OR6J1: variants seen among roughly 807,000 people sequenced by gnomAD.
OR6J1 encodes the protein olfactory receptor 6J1.
For synonymous variants in OR6J1, 109 were observed against 70.0 expected (o/e 1.56, Z -2.78); for missense variants, 304 against 166.8 (o/e 1.82, Z -4.53).
chr14:22,632,793 G>T lies in OR6J1; in HGVS notation c.*975C>A, dbSNP rs2037555365. The T allele has an allele frequency of 6.6e-6, 1 of 152,260 alleles. No homozygotes were observed. The highest frequency in any genetic ancestry group is 2.4e-5 in the African/African-American group (1 of 41,458). 9.4% of individuals were successfully genotyped at this position (152,260 alleles called of 1,614,324 possible). A position where few individuals can be genotyped will look rare whatever the true frequency, so the allele number is the denominator to read the frequency against. On this transcript the variant is annotated 3_prime_UTR_variant, in exon 2 of 2. Transcript: ENST00000540461. Reference sequence around the variant, plus strand: ...ATTCTACCAGCTCCAGCCCTAGGAAGTCATGAGAGAAGAGGGCTCTTTGTG... The same window carrying T: ...ATTCTACCAGCTCCAGCCCTAGGAATTCATGAGAGAAGAGGGCTCTTTGTG...
Position 22,634,543 on chromosome 14 carries a change from G to A in OR6J1, c.269C>T (p.Thr90Ile), listed in dbSNP as rs1048991915. 1.1e-5 allele frequency: 8 copies of A among 705,008 alleles called. No individual in the cohort carries two copies. The highest frequency in any genetic ancestry group is 2.1e-5 in the Non-Finnish European group (8 of 385,428). 43.7% of individuals were successfully genotyped at this position (705,008 alleles called of 1,614,324 possible). The change falls in exon 2 of 2, where the codon ACC (threonine) becomes ATC (isoleucine). Residue 90 changes from threonine to isoleucine, a missense_variant. By Grantham distance (89) the Thr-to-Ile change is moderately conservative. Coordinates refer to ENST00000540461, the MANE Select transcript of OR6J1 (RefSeq NM_001348233.2). ...VLANLGSRDK[T>I]ISFAGCITQC... ...GGTGATACATCCGGCAAAGGAGATG[G>A]TTTTATCCCTAGATCCTAAGTTGGC...
chr14:22,643,764 C>CACACAGAGAGAGAGAGAG lies in OR6J1; in HGVS notation c.-28+333_-28+334insCTCTCTCTCTCTCTGTGT, dbSNP rs1466950724. ...ACACACACACACACACACACACACA[C>CACACAGAGAGAGAGAGAG]AGAGAGAGAGAGAGAGAGAGAGAGA... On this transcript the variant is annotated intron_variant, in intron 1 of 1. Coordinates refer to ENST00000540461, the MANE Select transcript of OR6J1 (RefSeq NM_001348233.2). Among the ~76,000 whole-genome samples, 75 of 37,688 alleles carry CACACAGAGAGAGAGAGAG rather than the reference C, an allele frequency of 2.0e-3. 2 individuals are homozygous for CACACAGAGAGAGAGAGAG. Among genetic ancestry groups the CACACAGAGAGAGAGAGAG allele is most frequent in the Non-Finnish European group, 3.1e-3 (61 of 19,698 alleles). The allele number at this position is 37,688 out of a possible 152,430, so 24.7% of individuals were successfully genotyped here.
In OR6J1 at chr14:22,631,422, G is replaced by T. The variant is rs558589031; in HGVS notation, c.*2346C>A. ...CAGGGATGTTCCTTGCTGAGAAAAA[G>T]AATTCAGTGATATTCCTCCCATTTG... On this transcript the variant is annotated 3_prime_UTR_variant, in exon 2 of 2. Coordinates refer to ENST00000540461, the MANE Select transcript of OR6J1 (RefSeq NM_001348233.2). 3 of 152,292 alleles carry T rather than the reference G, an allele frequency of 2.0e-5. No individual in the cohort carries two copies. In the South Asian group the frequency reaches 6.2e-4, roughly 32 times the overall value. The allele number at this position is 152,292 out of a possible 1,614,324, so 9.4% of individuals were successfully genotyped here. A position where few individuals can be genotyped will look rare whatever the true frequency, so the allele number is the denominator to read the frequency against.
chr14:22,635,587 T>C (rs1396440681), intron 1 of OR6J1, among the ~76,000 whole-genome samples: 2 of 152,044 alleles, frequency 1.3e-5, no homozygotes, highest in African/African-American at 4.8e-5. Context: ...TTGAGACTTA[T>C]AAAATTGGAA....
At chr14:22,635,278 C>T (rs1479853347) in intron 1 of OR6J1, among the ~76,000 whole-genome samples, 1 of 152,082 alleles carries the variant, frequency 6.6e-6, no homozygotes, top group Non-Finnish European at 1.5e-5. Context: ...ATGAAATAAA[C>T]AAATTATGGT....
intron 1 of OR6J1, among the ~76,000 whole-genome samples, chr14:22,642,954 C>T (rs182116704): frequency 6.6e-6 from 1 of 151,762 alleles, no homozygotes; most frequent in Admixed American, 6.6e-5. Context: ...AGGTGCACAC[C>T]ATCACACCTG....
At chr14:22,637,021 C>T (rs1282844617) in intron 1 of OR6J1, among the ~76,000 whole-genome samples, 12 of 125,628 alleles carry the variant, frequency 9.6e-5, no homozygotes, top group Non-Finnish European at 1.6e-4. Flanking sequence ...GCGTCTCTGC[C>T]CGGCCGCCCA....
At chr14:22,639,922 AC>A (rs556699425) in intron 1 of OR6J1, among the ~76,000 whole-genome samples, 1 of 91,244 alleles carries the variant, frequency 1.1e-5, no homozygotes, top group South Asian at 3.0e-4. Context: ...CCTTCCCTCC[AC>A]TATTGTCCCA....
chr14:22,634,220 C>T lies in OR6J1; in HGVS notation c.592G>A (p.Asp198Asn), dbSNP rs1448902187. The T allele has an allele frequency of 4.3e-6, 3 of 703,322 alleles. No individual in the cohort carries two copies. The highest frequency in any genetic ancestry group is 2.7e-5 in the East Asian group (1 of 37,306). The allele number at this position is 703,322 out of a possible 1,614,324, so 43.6% of individuals were successfully genotyped here. The change falls in exon 2 of 2, where the codon GAT (aspartate) becomes AAT (asparagine). Residue 198 changes from aspartate (D) to asparagine (N), a missense_variant. Asp to Asn is a conservative substitution (Grantham distance 23, BLOSUM62 1). Coordinates refer to ENST00000540461, the MANE Select transcript of OR6J1 (RefSeq NM_001348233.2). ...ATGACCATGGAAGAAAGCATAAAAT[C>T]CATCAGCTCGATGGCAGTGGTGTCT... is the stretch of plus-strand genomic sequence containing the variant. ...CADTTAIELM[D>N]FMLSSMVILC...
rs2037547783 is a variant in OR6J1, at chr14:22,631,719, G to C, written c.*2049C>G. On this transcript the variant is annotated 3_prime_UTR_variant, in exon 2 of 2. Transcript: ENST00000540461. ...AATCACAAGGGTATTCATTGGGGAA[G>C]TGATAAGTGTCCATGAAATCTTCAC... The C allele has an allele frequency of 6.5e-6, 1 of 152,934 alleles. No individual in the cohort carries two copies. The highest frequency in any genetic ancestry group is 1.5e-5 in the Non-Finnish European group (1 of 68,380). 9.5% of individuals were successfully genotyped at this position (152,934 alleles called of 1,614,324 possible).
Position 22,641,306 on chromosome 14 carries a change from G to A in OR6J1, c.-28+2792C>T, listed in dbSNP as rs1480536597. 8.0e-4 allele frequency among the ~76,000 whole-genome samples: 60 copies of A among 75,300 alleles called. 1 individual carries two copies. The highest frequency in any genetic ancestry group is 4.8e-3 in the East Asian group (9 of 1,868). 49.4% of individuals were successfully genotyped at this position (75,300 alleles called of 152,430 possible). On this transcript the variant is annotated intron_variant, in intron 1 of 1. Coordinates refer to ENST00000540461, the MANE Select transcript of OR6J1 (RefSeq NM_001348233.2). ...GAAAGAGAAGAAAGAGAGACAGAGAGGAAAGAGAGAGAGAGGAAGGAAGGA... is the reference window on the plus strand; with the variant it reads ...GAAAGAGAAGAAAGAGAGACAGAGAAGAAAGAGAGAGAGAGGAAGGAAGGA...
rs1412394181 is a variant in OR6J1 at position 22,631,020 on chromosome 14, AG to A, written c.*2747del. On this transcript the variant is annotated 3_prime_UTR_variant, in exon 2 of 2. Transcript: ENST00000540461. ...CCACAAAAACCAGCAAGTTTTTATT[AG>A]GGACTTTCAAAAGGGGAGGGAGTGT... 1 of 152,220 alleles carries A rather than the reference AG, an allele frequency of 6.6e-6. No individual in the cohort carries two copies. Among genetic ancestry groups the A allele is most frequent in the Non-Finnish European group, 1.5e-5 (1 of 68,040 alleles). 9.4% of individuals were successfully genotyped at this position (152,220 alleles called of 1,614,324 possible). A position where few individuals can be genotyped will look rare whatever the true frequency, so the allele number is the denominator to read the frequency against.
rs1169840412 is a variant in OR6J1 at position 22,641,242 on chromosome 14, A to G, written c.-28+2856T>C. Among the ~76,000 whole-genome samples the G allele has an allele frequency of 1.2e-4, 4 of 33,324 alleles. 1 individual carries two copies. The highest frequency in any genetic ancestry group is 2.7e-4 in the Non-Finnish European group (4 of 14,688). 21.9% of individuals were successfully genotyped at this position (33,324 alleles called of 152,430 possible). A position where few individuals can be genotyped will look rare whatever the true frequency, so the allele number is the denominator to read the frequency against. ...GAAAGAAAGAAAGAAAGAAAGAAAG[A>G]AAGAAAGAAAGAAAGAAAGAAAGAA... On this transcript the variant is annotated intron_variant, in intron 1 of 1. Transcript: ENST00000540461.
intron 1 of OR6J1, among the ~76,000 whole-genome samples, chr14:22,636,006 C>T (rs954106225): frequency 1.3e-5 from 2 of 151,986 alleles, no homozygotes; most frequent in Non-Finnish European, 2.9e-5. Flanking sequence ...AGGCAAATCA[C>T]AAACAGGAAG....
At chr14:22,643,955 G>T (rs2037672121) in intron 1 of OR6J1, 143 bp downstream of exon 1, 1 of 152,162 alleles carries the variant, frequency 6.6e-6, no homozygotes, top group African/African-American at 2.4e-5. Flanking sequence ...TGCATAAGGT[G>T]CAACTGCACC....
intron 1 of OR6J1, among the ~76,000 whole-genome samples, chr14:22,641,210 TAAGAAAGAAAGAAAGA>T (rs992658481): frequency 0.011 from 1,347 of 122,522 alleles, 61 homozygotes; most frequent in Middle Eastern, 0.012. Context: ...GAGAGAAAGA[TAAGAAAGAAAGAAAGA>T]AAGAAAGAAA....
Position 22,634,673 on chromosome 14 carries a change from T to C in OR6J1, c.139A>G (p.Thr47Ala). The C allele has an allele frequency of 1.4e-6, 1 of 738,800 alleles. No homozygotes were observed. Among genetic ancestry groups the C allele is most frequent in the Non-Finnish European group, 2.5e-6 (1 of 400,920 alleles). 45.8% of individuals were successfully genotyped at this position (738,800 alleles called of 1,614,324 possible). ...TGGAGGCGGGAGCAGGACAGCACAG[T>C]GGAGATGATGAGCAGGTTCCCCAGA... ...TLLGNLLIIS[T>A]VLSCSRLHTP... Residue 47 changes from threonine to alanine, a missense_variant, in exon 2 of 2, where the codon ACT becomes GCT. By Grantham distance (58) the Thr-to-Ala change is moderately conservative (BLOSUM62 0). Transcript: ENST00000540461.
rs2037551406 is a variant in OR6J1 at position 22,632,225 on chromosome 14, T to A, written c.*1543A>T. ...GGCCCAGAGTGGGTCCAAGTAAGCATCCCAGACAGTGTTTGGGCACCAAGA... is the reference window on the plus strand; with the variant it reads ...GGCCCAGAGTGGGTCCAAGTAAGCAACCCAGACAGTGTTTGGGCACCAAGA... On this transcript the variant is annotated 3_prime_UTR_variant, in exon 2 of 2. Coordinates refer to ENST00000540461, the MANE Select transcript of OR6J1 (RefSeq NM_001348233.2). 6.6e-6 allele frequency: 1 copy of A among 152,158 alleles called. No homozygotes were observed. The highest frequency in any genetic ancestry group is 1.5e-5 in the Non-Finnish European group (1 of 68,046). 9.4% of individuals were successfully genotyped at this position (152,158 alleles called of 1,614,324 possible).
chr14:22,633,628 G>T lies in OR6J1; in HGVS notation c.*140C>A. On this transcript the variant is annotated 3_prime_UTR_variant, in exon 2 of 2. Transcript: ENST00000540461. The stretch of plus-strand genomic sequence containing the variant: ...AGAGTACTGAGAGTCAGAATGGCTG[G>T]TGACACAGCTGCGGTCACAGATTAA... 1.7e-6 allele frequency: 1 copy of T among 595,332 alleles called. No individual in the cohort carries two copies. Among genetic ancestry groups the T allele is most frequent in the Non-Finnish European group, 3.0e-6 (1 of 336,422 alleles). 36.9% of individuals were successfully genotyped at this position (595,332 alleles called of 1,614,324 possible).
Sources: gnomAD v4.1 joint callset for allele counts (sites outside exome capture counted in the v4.1 genomes callset) on GRCh38, gnomAD v4.1.1 for gene constraint, MANE v1.5 for transcripts, NCBI Gene and HGNC (gene_info 2026-07-23, HGNC 2026-07-21) for gene names.